EPHB1: variants seen among roughly 807,000 people sequenced by gnomAD.
EPHB1 encodes EPH receptor B1, also known as ephrin type-B receptor 1.
In EPHB1, 30 loss-of-function variants were observed where a neutral mutation model predicts 94.4. The observed-to-expected ratio is 0.32, with a 90% CI of 0.24 to 0.43. The LOEUF (loss-of-function observed/expected upper bound fraction) is 0.43. Ranked by LOEUF, EPHB1 falls within the 20% of genes least tolerant of loss-of-function variation. The probability of loss-of-function intolerance (pLI) is 1.00; values close to 1 mark genes in which losing one functional copy is unlikely to be tolerated. For synonymous variants in EPHB1, 522 were observed against 489.1 expected, an observed-to-expected ratio of 1.07 and a Z score of -0.89; for missense variants, 1,055 against 1,308.3, an observed-to-expected ratio of 0.81 and a Z score of 2.99.
At chr3:134,900,535 T>A (rs2038178383) in intron 1 of EPHB1, among the ~76,000 whole-genome samples, 3 of 152,166 alleles carry the variant, frequency 2.0e-5, no homozygotes, top group Admixed American at 2.0e-4. Flanking sequence ...TAACATGGAC[T>A]TCAGGCCTCC....
chr3:134,801,187 T>G (rs751816711), intron 1 of EPHB1, among the ~76,000 whole-genome samples: 1 of 152,214 alleles, frequency 6.6e-6, no homozygotes, highest in Non-Finnish European at 1.5e-5. Flanking sequence ...AGCTCCAGTT[T>G]CCATGTAGCT....
At chr3:134,932,725 A>G (rs1255689421) in intron 2 of EPHB1, among the ~76,000 whole-genome samples, 4 of 152,218 alleles carry the variant, frequency 2.6e-5, no homozygotes, top group African/African-American at 9.6e-5. Flanking sequence ...TGGAGGGCTG[A>G]ATTTTCTGTT....
intron 1 of EPHB1, among the ~76,000 whole-genome samples, chr3:134,834,738 G>C (rs960471399): frequency 4.6e-5 from 7 of 152,164 alleles, no homozygotes; most frequent in African/African-American, 1.4e-4. Flanking sequence ...CATCAGAACA[G>C]TGTTGGCTGT....
At chr3:135,067,788 C>T (rs1937601442) in intron 3 of EPHB1, 1 of 152,482 alleles carries the variant, frequency 6.6e-6, no homozygotes, top group African/African-American at 2.4e-5. Flanking sequence ...TCTGGCTGCC[C>T]TCCTGAGGGA....
chr3:134,873,306 T>C (rs1440337543), intron 1 of EPHB1, among the ~76,000 whole-genome samples: 1 of 152,174 alleles, frequency 6.6e-6, no homozygotes, highest in Non-Finnish European at 1.5e-5. Flanking sequence ...CTGAGTGCTA[T>C]TAAGGATTTG....
At chr3:134,976,822 C>G (rs1934210341) in intron 3 of EPHB1, among the ~76,000 whole-genome samples, 1 of 152,124 alleles carries the variant, frequency 6.6e-6, no homozygotes, top group Non-Finnish European at 1.5e-5. Flanking sequence ...CTAATAGAAA[C>G]AGCAGCTCAG....
intron 3 of EPHB1, among the ~76,000 whole-genome samples, chr3:135,064,405 A>C (rs937481099): frequency 6.6e-6 from 1 of 151,968 alleles, no homozygotes. Context: ...AGGGTATCTA[A>C]TTCTTCCTGA....
chr3:134,812,433 T>C (rs1209315027), intron 1 of EPHB1, among the ~76,000 whole-genome samples: 1 of 152,234 alleles, frequency 6.6e-6, no homozygotes, highest in Non-Finnish European at 1.5e-5. Flanking sequence ...ATCCATTTTG[T>C]GGCATGTGTT....
At chr3:135,031,120 G>C (rs964410200) in intron 3 of EPHB1, among the ~76,000 whole-genome samples, 1 of 152,162 alleles carries the variant, frequency 6.6e-6, no homozygotes, top group Non-Finnish European at 1.5e-5. Flanking sequence ...TGCGCCCACT[G>C]TCTGGCACTC....
intron 1 of EPHB1, among the ~76,000 whole-genome samples, chr3:134,888,631 T>G (rs1340623235): frequency 6.8e-6 from 1 of 146,966 alleles, no homozygotes; most frequent in African/African-American, 2.5e-5. Flanking sequence ...TCGCTTGAAC[T>G]AGGGAGTTGG....
intron 3 of EPHB1, among the ~76,000 whole-genome samples, chr3:135,039,832 C>T (rs1219254177): frequency 6.6e-6 from 1 of 152,342 alleles, no homozygotes; most frequent in African/African-American, 2.4e-5. Context: ...AGGGAGTGGG[C>T]TCCAGCCTTG....
At chr3:134,867,591 A>C (rs1048805039) in intron 1 of EPHB1, among the ~76,000 whole-genome samples, 30 of 152,234 alleles carry the variant, frequency 2.0e-4, no homozygotes, top group African/African-American at 7.0e-4. Flanking sequence ...CAGCAGTAGA[A>C]TGGCTATTAG....
At chr3:135,081,399 C>T (rs939623085) in intron 3 of EPHB1, among the ~76,000 whole-genome samples, 3 of 152,170 alleles carry the variant, frequency 2.0e-5, no homozygotes, top group Admixed American at 6.5e-5. Flanking sequence ...AAAACTCTCA[C>T]GAGGATGGAG....
Position 135,039,000 on chromosome 3 carries a change from T to C in EPHB1, c.806-67448T>C, listed in dbSNP as rs914843210. Among the ~76,000 whole-genome samples, 4 of 152,192 alleles carry C rather than the reference T, an allele frequency of 2.6e-5. No homozygotes were observed. The East Asian group carries it at 5.8e-4, about 22-fold the overall frequency. ...CTGAGCTAGATACAAAGGTTCTCTA[T>C]GTCCCCATCAGATTAGTTAGATACA... On this transcript the variant is annotated intron_variant, in intron 3 of 15. Transcript: ENST00000398015.
chr3:134,925,776 C>T (rs764943074), intron 1 of EPHB1, 40 bp from the exon 2 acceptor site: 22 of 1,522,956 alleles, frequency 1.4e-5, no homozygotes, highest in Non-Finnish European at 1.9e-5. Flanking sequence ...CCTTCTGACT[C>T]ATTGTTTTTG....
At chr3:135,044,777 T>A (rs1936948408) in intron 3 of EPHB1, among the ~76,000 whole-genome samples, 1 of 152,264 alleles carries the variant, frequency 6.6e-6, no homozygotes, top group African/African-American at 2.4e-5. Context: ...TGGTTGTTTT[T>A]AAAGCGGTGT....
At position 135,245,697 on chromosome 3, in the gene EPHB1, T is replaced by C. The variant is rs1054986560; in HGVS notation, c.2497-2619T>C. Among the ~76,000 whole-genome samples the C allele has an allele frequency of 6.0e-5, 9 of 150,016 alleles. No homozygotes were observed. In the Admixed American group the frequency reaches 6.0e-4, roughly 10 times the overall value. On this transcript the variant is annotated intron_variant, in intron 13 of 15. Coordinates refer to ENST00000398015, the MANE Select transcript of EPHB1 (RefSeq NM_004441.5). ...GGTGCATGCCTGTAGTCCCAGCTAC[T>C]CGGGAGGCTGAGGCAGGAGAATTGC...
chr3:135,253,714 A>T (rs1440776453), intron 15 of EPHB1, among the ~76,000 whole-genome samples: 2 of 147,778 alleles, frequency 1.4e-5, no homozygotes, highest in Admixed American at 1.3e-4. Flanking sequence ...TTGGTTCCAT[A>T]TGAACTTTAA....
At chr3:135,181,629 G>A (rs1052140111) in intron 10 of EPHB1, among the ~76,000 whole-genome samples, 5 of 152,154 alleles carry the variant, frequency 3.3e-5, no homozygotes, top group African/African-American at 1.2e-4. Flanking sequence ...TGCTTAGAGC[G>A]ATGTGTTCTG....
Sources: allele counts gnomAD v4.1 joint callset (sites outside exome capture counted in the v4.1 genomes callset), GRCh38; gene constraint gnomAD v4.1.1; transcripts MANE v1.5; gene names NCBI Gene and HGNC (gene_info 2026-07-23, HGNC 2026-07-21).